Variants in PDE4D observed in about 807,000 individuals in gnomAD.
PDE4D encodes the protein phosphodiesterase 4D.
PDE4D carries 24 observed loss-of-function variants against 87.4 expected under a neutral mutation model. The observed-to-expected ratio is 0.27, with a 90% CI of 0.20 to 0.39. The LOEUF is 0.39. PDE4D is among the 10% of genes least tolerant of loss of function. The pLI, the probability that PDE4D is intolerant of heterozygous loss-of-function variation, is 1.00. For missense variants in PDE4D, 714 were observed against 1,041.0 expected (o/e 0.69, Z 4.32); for synonymous variants, 384 against 383.2 (o/e 1.00, Z -0.02).
At chr5:60,260,756 T>G (rs939130046) in intron 1 of PDE4D, among the ~76,000 whole-genome samples, 1 of 152,130 alleles carries the variant, frequency 6.6e-6, no homozygotes, top group Admixed American at 6.6e-5. Context: ...ACAGAGTCCT[T>G]CTCTGAAAAC....
intron 1 of PDE4D, among the ~76,000 whole-genome samples, chr5:59,241,675 T>C (rs1757712664): frequency 6.6e-6 from 1 of 152,222 alleles, no homozygotes; most frequent in Non-Finnish European, 1.5e-5. Flanking sequence ...CTCAGGGGAC[T>C]AAGTTATGTA....
intron 1 of PDE4D, among the ~76,000 whole-genome samples, chr5:59,263,233 G>C (rs1382955698): frequency 6.6e-6 from 1 of 151,956 alleles, no homozygotes; most frequent in Non-Finnish European, 1.5e-5. Flanking sequence ...GCCCATGATG[G>C]AGCAGGCATG....
chr5:59,525,324 T>C (rs539388533), intron 1 of PDE4D, among the ~76,000 whole-genome samples: 66 of 152,350 alleles, frequency 4.3e-4, no homozygotes, highest in African/African-American at 1.6e-3. Context: ...AACTTTAATG[T>C]TTAATGACTG....
chr5:59,122,551 C>T (rs1441494084), intron 5 of PDE4D, among the ~76,000 whole-genome samples: 1 of 152,110 alleles, frequency 6.6e-6, no homozygotes, highest in African/African-American at 2.4e-5. Flanking sequence ...GACACACAGG[C>T]ATGATAAATA....
chr5:60,227,947 C>G (rs1237733774), intron 1 of PDE4D, among the ~76,000 whole-genome samples: 1 of 151,994 alleles, frequency 6.6e-6, no homozygotes, highest in African/African-American at 2.4e-5. Context: ...ACTATAATCA[C>G]ATTGTCTACA....
chr5:59,608,216 A>T (rs1168410274), intron 1 of PDE4D, among the ~76,000 whole-genome samples: 2 of 152,122 alleles, frequency 1.3e-5, no homozygotes, highest in Non-Finnish European at 2.9e-5. Flanking sequence ...GAAATCAGAG[A>T]GTGCTGACAA....
At chr5:59,834,232 G>GTTCAA in intron 1 of PDE4D, among the ~76,000 whole-genome samples, 1 of 152,076 alleles carries the variant, frequency 6.6e-6, no homozygotes, top group African/African-American at 2.4e-5. Flanking sequence ...AACACCTATT[G>GTTCAA]TACTTACTTT....
At chr5:60,337,664 C>G (rs200603548) in intron 1 of PDE4D, among the ~76,000 whole-genome samples, 1 of 151,952 alleles carries the variant, frequency 6.6e-6, no homozygotes, top group Non-Finnish European at 1.5e-5. Context: ...TACTCGGTAT[C>G]AGACGGCCCT....
chr5:60,366,003 C>A (rs923212464), intron 1 of PDE4D, among the ~76,000 whole-genome samples: 1 of 151,138 alleles, frequency 6.6e-6, no homozygotes, highest in East Asian at 2.0e-4. Flanking sequence ...AAGATCATGC[C>A]CCTATGCTCC....
chr5:59,277,134 T>C (rs1300612575), intron 1 of PDE4D, among the ~76,000 whole-genome samples: 1 of 152,146 alleles, frequency 6.6e-6, no homozygotes, highest in Non-Finnish European at 1.5e-5. Context: ...TGGAGTGCAG[T>C]TGTGACCCAC....
At chr5:60,245,477 A>T (rs1279711298) in intron 1 of PDE4D, among the ~76,000 whole-genome samples, 2 of 152,006 alleles carry the variant, frequency 1.3e-5, no homozygotes, top group African/African-American at 4.8e-5. Context: ...AGAGATATCT[A>T]CACTCCCGTG....
chr5:59,155,005 T>G (rs1214494019), intron 5 of PDE4D, among the ~76,000 whole-genome samples: 2 of 152,196 alleles, frequency 1.3e-5, no homozygotes, highest in Non-Finnish European at 2.9e-5. Flanking sequence ...TGCAAAGAAA[T>G]ATGTGAGTCC....
At chr5:59,519,360 A>G (rs143401249) in intron 1 of PDE4D, among the ~76,000 whole-genome samples, 2 of 152,336 alleles carry the variant, frequency 1.3e-5, no homozygotes, top group African/African-American at 4.8e-5. Context: ...GGTGGAAGAA[A>G]AAGCATGAAT....
intron 12 of PDE4D, 150 bp from the exon 13 acceptor site, chr5:58,976,622 C>A: frequency 1.5e-6 from 1 of 654,722 alleles, no homozygotes; most frequent in Admixed American, 3.1e-5. Flanking sequence ...GGGGCAGAGT[C>A]TTTTCCCCTT....
chr5:59,538,974 C>T (rs1186922068), intron 1 of PDE4D, among the ~76,000 whole-genome samples: 1 of 152,188 alleles, frequency 6.6e-6, no homozygotes, highest in South Asian at 2.1e-4. Flanking sequence ...GGCTTTAGTG[C>T]CTCTTCCATG....
At chr5:59,966,890 C>T (rs946881298) in intron 3 of PDE4D, among the ~76,000 whole-genome samples, 6 of 152,182 alleles carry the variant, frequency 3.9e-5, no homozygotes, top group African/African-American at 1.2e-4. Flanking sequence ...GGCAGATTTT[C>T]ACTGTATTTA....
At chr5:59,412,457 C>G (rs540740333) in intron 1 of PDE4D, among the ~76,000 whole-genome samples, 2 of 152,120 alleles carry the variant, frequency 1.3e-5, no homozygotes, top group Admixed American at 6.5e-5. Flanking sequence ...GTTGGGAGCA[C>G]TGGAGTGGGG....
intron 1 of PDE4D, among the ~76,000 whole-genome samples, chr5:60,393,461 A>G (rs1762688684): frequency 6.6e-6 from 1 of 152,196 alleles, no homozygotes; most frequent in Admixed American, 6.5e-5. Context: ...AGAACCTTCA[A>G]GTTTTATGAA....
At chr5:59,045,556 C>CAAA (rs36051277) in intron 5 of PDE4D, among the ~76,000 whole-genome samples, 14 of 70,884 alleles carry the variant, frequency 2.0e-4, no homozygotes, top group East Asian at 1.0e-3. Flanking sequence ...AACTCTGTCT[C>CAAA]AAAAAAAAAA....
Sources: allele counts gnomAD v4.1 joint callset (sites outside exome capture counted in the v4.1 genomes callset), GRCh38; gene constraint gnomAD v4.1.1; transcripts MANE v1.5; gene names NCBI Gene and HGNC (gene_info 2026-07-23, HGNC 2026-07-21).